LBP: variants seen among roughly 807,000 people sequenced by gnomAD.
LBP encodes the protein lipopolysaccharide-binding protein.
Under a neutral mutation model 56.6 loss-of-function variants are expected in LBP, and 53 were observed. That is an observed-to-expected ratio of 0.94 (90% confidence interval 0.75 to 1.18). The LOEUF (loss-of-function observed/expected upper bound fraction) is 1.18, where lower values mean the gene tolerates loss of function less well. LBP is among the 50% of genes most tolerant of loss of function. LBP has a pLI of 0.00. For synonymous variants in LBP, 227 were observed against 247.5 expected, an observed-to-expected ratio of 0.92 and a Z score of 0.78; for missense variants, 601 against 598.3, an observed-to-expected ratio of 1.00 and a Z score of -0.05.
intron 3 of LBP, among the ~76,000 whole-genome samples, chr20:38,352,963 G>A (rs2076825660): frequency 6.6e-6 from 1 of 151,638 alleles, no homozygotes; most frequent in South Asian, 2.1e-4. Context: ...AAAATTACAT[G>A]TGTGGCTCTC....
At position 38,355,352 on chromosome 20, in the gene LBP, G is replaced by A. The variant is rs753612358; in HGVS notation, c.531G>A (p.Leu177=). The A allele has an allele frequency of 9.3e-6, 15 of 1,613,784 alleles. No individual in the cohort carries two copies. The South Asian group carries it at 1.5e-4, about 17-fold the overall frequency. ...ACTGTGCTTCTCTCCCCAGGTGGCT[G>A]TTGAACCTCTTCCACAACCAGATTG... ...EVDMSGDLGW[L]LNLFHNQIES... The change falls in exon 5 of 15, where the codon CTG becomes CTA. Residue 177 remains leucine (L), a synonymous_variant. Coordinates refer to ENST00000217407, the MANE Select transcript of LBP (RefSeq NM_004139.5).
intron 5 of LBP, among the ~76,000 whole-genome samples, 171 bp downstream of exon 5, chr20:38,355,580 G>A (rs1002507815): frequency 4.6e-5 from 7 of 152,142 alleles, no homozygotes; most frequent in African/African-American, 9.7e-5. Flanking sequence ...TGTGGGGCAC[G>A]CTGGGGACAA....
chr20:38,353,637 T>A (rs1468102170), intron 3 of LBP, among the ~76,000 whole-genome samples: 5 of 152,012 alleles, frequency 3.3e-5, no homozygotes. Flanking sequence ...CGAGGAGAGA[T>A]CTCACTGATT....
intron 1 of LBP, among the ~76,000 whole-genome samples, chr20:38,348,797 T>A (rs28374452): frequency 4.5e-4 from 51 of 112,090 alleles, no homozygotes; most frequent in Middle Eastern, 4.9e-3. Flanking sequence ...AGTTTTGTTT[T>A]GTTTTGTTTT....
At chr20:38,372,878 C>T (rs561970593) in intron 12 of LBP, among the ~76,000 whole-genome samples, 194 bp from the exon 13 acceptor site, 12 of 152,292 alleles carry the variant, frequency 7.9e-5, no homozygotes, top group Non-Finnish European at 1.3e-4. Flanking sequence ...GAAAGACTGT[C>T]GGGTGTGTAA....
chr20:38,376,842 T>G lies in LBP; in HGVS notation c.*173T>G. The stretch of plus-strand genomic sequence containing the variant: ...TCCTCCTCTTCACCAGGTGCATGCA[T>G]GCCCTCTCTGAGTCTGGACTTTGCT... On this transcript the variant is annotated 3_prime_UTR_variant, in exon 15 of 15. Coordinates refer to ENST00000217407, the MANE Select transcript of LBP (RefSeq NM_004139.5). 7 of 719,566 alleles carry G rather than the reference T, an allele frequency of 9.7e-6. No individual in the cohort carries two copies. The highest frequency in any genetic ancestry group is 1.8e-5 in the Non-Finnish European group (7 of 396,920). The allele number at this position is 719,566 out of a possible 1,614,324, so 44.6% of individuals were successfully genotyped here.
At chr20:38,356,367 CCA>C (rs1436981234) in intron 5 of LBP, among the ~76,000 whole-genome samples, 3 of 144,192 alleles carry the variant, frequency 2.1e-5, no homozygotes, top group Non-Finnish European at 3.1e-5. Flanking sequence ...CACACACCCT[CCA>C]CACACACACA....
At chr20:38,348,214 A>C (rs1158910494) in intron 1 of LBP, among the ~76,000 whole-genome samples, 1 of 152,178 alleles carries the variant, frequency 6.6e-6, no homozygotes, top group Non-Finnish European at 1.5e-5. Context: ...CTTGCATTGA[A>C]ACTGTAAATC....
intron 5 of LBP, among the ~76,000 whole-genome samples, chr20:38,356,921 C>A (rs568217351): frequency 1.3e-5 from 2 of 152,042 alleles, no homozygotes; most frequent in East Asian, 3.9e-4. Context: ...AGTGGCGCGA[C>A]CTTGGCTCAC....
At chr20:38,375,195 GTT>G (rs11480549) in intron 14 of LBP, among the ~76,000 whole-genome samples, 16 of 149,274 alleles carry the variant, frequency 1.1e-4, no homozygotes, top group East Asian at 7.9e-4. Context: ...TGTTTTAAGG[GTT>G]TTTTTTTTTA....
chr20:38,346,615 G>A lies in LBP; in HGVS notation c.99G>A (p.Arg33=), dbSNP rs1262897606. The stretch of plus-strand genomic sequence containing the variant: ...GTGCCAACCCCGGCTTGGTCGCCAG[G>A]ATCACCGACAAGGGACTGCAGTATG... ...ALGANPGLVA[R]ITDKGLQYAA... Residue 33 remains arginine (R), a synonymous_variant, in exon 1 of 15, where the codon AGG becomes AGA. Coordinates refer to ENST00000217407, the MANE Select transcript of LBP (RefSeq NM_004139.5). 1 of 1,613,512 alleles carries A rather than the reference G, an allele frequency of 6.2e-7. No homozygotes were observed. The highest frequency in any genetic ancestry group is 1.3e-5 in the African/African-American group (1 of 74,936).
intron 3 of LBP, among the ~76,000 whole-genome samples, chr20:38,353,070 T>A (rs2076826084): frequency 1.3e-5 from 2 of 152,226 alleles, no homozygotes; most frequent in Non-Finnish European, 2.9e-5. Flanking sequence ...TCTCTTACCC[T>A]GGCTTTTGTC....
intron 3 of LBP, among the ~76,000 whole-genome samples, chr20:38,351,654 C>T (rs1436737650): frequency 6.6e-6 from 1 of 152,136 alleles, no homozygotes; most frequent in Non-Finnish European, 1.5e-5. Context: ...TCTTCTGAGG[C>T]CACTCTCTTT....
At chr20:38,375,797 T>C (rs1431926449) in intron 14 of LBP, among the ~76,000 whole-genome samples, 3 of 152,144 alleles carry the variant, frequency 2.0e-5, no homozygotes, top group Non-Finnish European at 4.4e-5. Context: ...TGCTGCGCTG[T>C]GCCTGGTACA....
intron 5 of LBP, 84 bp from the exon 6 acceptor site, chr20:38,360,620 G>T: frequency 2.3e-6 from 2 of 861,958 alleles, no homozygotes; most frequent in Non-Finnish European, 3.9e-6. Flanking sequence ...GCACATGTGT[G>T]GAATAATGTG....
At chr20:38,360,949 G>A (rs2076858039) in intron 6 of LBP, among the ~76,000 whole-genome samples, 182 bp downstream of exon 6, 1 of 152,130 alleles carries the variant, frequency 6.6e-6, no homozygotes, top group South Asian at 2.1e-4. Context: ...GATCACCTGA[G>A]GTCAGGAGTT....
At chr20:38,372,583 G>A (rs1343868458) in intron 12 of LBP, among the ~76,000 whole-genome samples, 1 of 152,244 alleles carries the variant, frequency 6.6e-6, no homozygotes, top group Admixed American at 6.5e-5. Context: ...CTTTCATTCT[G>A]TAGGCCTCAG....
At chr20:38,350,745 C>T in intron 2 of LBP, 66 bp from the exon 3 acceptor site, 2 of 1,540,658 alleles carry the variant, frequency 1.3e-6, no homozygotes, top group Admixed American at 1.8e-5. Flanking sequence ...AGGGGAGGCG[C>T]AAGGTCCCTG....
In LBP at chr20:38,371,222, C is replaced by T. The variant is rs959271849; in HGVS notation, c.1218-58C>T. 154 of 1,442,314 alleles carry T rather than the reference C, an allele frequency of 1.1e-4. 1 individual carries two copies. Among genetic ancestry groups the T allele is most frequent in the Non-Finnish European group, 1.4e-4 (148 of 1,031,830 alleles). 89.3% of individuals were successfully genotyped at this position (1,442,314 alleles called of 1,614,324 possible). ...ATCCTTTCTCGCTTCTGGGGACCCC[C>T]GCATTGCTTAAACTTGCATAAAGCC... On this transcript the variant is annotated intron_variant, in intron 11 of 14. Transcript: ENST00000217407.
Sources: allele counts gnomAD v4.1 joint callset (sites outside exome capture counted in the v4.1 genomes callset), GRCh38; gene constraint gnomAD v4.1.1; transcripts MANE v1.5; gene names NCBI Gene and HGNC (gene_info 2026-07-23, HGNC 2026-07-21).